Variants in NALF1 observed in about 807,000 individuals in gnomAD.
The protein encoded by NALF1 is family with sequence similarity 155 member A.
NALF1 carries 3 observed loss-of-function variants against 48.4 expected under a neutral mutation model. The observed-to-expected ratio is 0.06, with a 90% CI of 0.03 to 0.16. The LOEUF (loss-of-function observed/expected upper bound fraction) is 0.16, where lower values mean the gene tolerates loss of function less well. NALF1 is among the 10% of genes least tolerant of loss of function. The probability of loss-of-function intolerance (pLI) is 1.00; values close to 1 mark genes in which losing one functional copy is unlikely to be tolerated. For synonymous variants in NALF1, 262 were observed against 245.7 expected (o/e 1.07, Z -0.62); for missense variants, 526 against 571.5 (o/e 0.92, Z 0.81).
intron 1 of NALF1, among the ~76,000 whole-genome samples, chr13:107,517,042 G>A (rs1876076419): frequency 6.6e-6 from 1 of 151,928 alleles, no homozygotes; most frequent in African/African-American, 2.4e-5. Flanking sequence ...CTAGGAAGAT[G>A]GTCCTTACTA....
At chr13:107,645,455 A>G (rs1042466001) in intron 1 of NALF1, among the ~76,000 whole-genome samples, 1 of 152,044 alleles carries the variant, frequency 6.6e-6, no homozygotes. Flanking sequence ...GTTACTATTT[A>G]TATGTTTTAC....
intron 1 of NALF1, among the ~76,000 whole-genome samples, chr13:107,414,385 T>A (rs1884048112): frequency 6.6e-6 from 1 of 151,470 alleles, no homozygotes; most frequent in Admixed American, 6.6e-5. Flanking sequence ...CAAATGTATA[T>A]CTAGGTATTT....
chr13:107,796,425 T>A (rs1878426536), intron 1 of NALF1, among the ~76,000 whole-genome samples: 1 of 152,266 alleles, frequency 6.6e-6, no homozygotes, highest in Admixed American at 6.5e-5. Context: ...CATTATTTTC[T>A]GAGCATTTTT....
At chr13:107,325,197 A>G (rs565167695) in intron 1 of NALF1, among the ~76,000 whole-genome samples, 3 of 152,334 alleles carry the variant, frequency 2.0e-5, no homozygotes, top group Non-Finnish European at 2.9e-5. Context: ...TGTGCATATT[A>G]TAAGACAAAA....
intron 1 of NALF1, among the ~76,000 whole-genome samples, chr13:107,261,421 CT>C (rs1418230075): frequency 6.6e-6 from 1 of 152,194 alleles, no homozygotes; most frequent in Non-Finnish European, 1.5e-5. Context: ...TTCTCCTCCC[CT>C]ATCCCATCAG....
intron 1 of NALF1, among the ~76,000 whole-genome samples, chr13:107,648,870 G>A (rs567799047): frequency 1.3e-5 from 2 of 152,136 alleles, no homozygotes; most frequent in South Asian, 2.1e-4. Flanking sequence ...CCAATCTTAG[G>A]CATACTAATA....
At chr13:107,616,585 T>G (rs1335420141) in intron 1 of NALF1, among the ~76,000 whole-genome samples, 1 of 152,210 alleles carries the variant, frequency 6.6e-6, no homozygotes, top group African/African-American at 2.4e-5. Context: ...GCTACAAGAT[T>G]GAATTCAGAT....
chr13:107,613,897 G>T (rs1049203077), intron 1 of NALF1, among the ~76,000 whole-genome samples: 1 of 152,148 alleles, frequency 6.6e-6, no homozygotes, highest in Non-Finnish European at 1.5e-5. Flanking sequence ...CAGGTGCTAC[G>T]TTCATTCCTT....
chr13:107,306,537 C>T (rs940121352), intron 1 of NALF1, among the ~76,000 whole-genome samples: 12 of 152,006 alleles, frequency 7.9e-5, no homozygotes, highest in African/African-American at 2.4e-4. Flanking sequence ...GAAGTGGCTC[C>T]GATCATGTTC....
chr13:107,448,612 T>G lies in NALF1; in HGVS notation c.916-237857A>C, dbSNP rs562882618. On this transcript the variant is annotated intron_variant, in intron 1 of 2. Coordinates refer to ENST00000375915, the MANE Select transcript of NALF1 (RefSeq NM_001080396.3). ...TACTGGCATTTTCGTCATGTATTTT[T>G]ATGCATTACTGATCATTCACTCAAG... Among the ~76,000 whole-genome samples the G allele has an allele frequency of 2.0e-4, 31 of 152,338 alleles. No homozygotes were observed. In the East Asian group the frequency reaches 5.6e-3, roughly 27 times the overall value.
At position 107,866,417 on chromosome 13, in the gene NALF1, G is replaced by A. The variant is rs1384691383; in HGVS notation, c.180C>T (p.Ala60=). 1 of 1,613,938 alleles carries A rather than the reference G, an allele frequency of 6.2e-7. No individual in the cohort carries two copies. The highest frequency in any genetic ancestry group is 1.1e-5 in the South Asian group (1 of 91,084). Residue 60 remains alanine (A), a synonymous_variant, in exon 1 of 3, where the codon GCC becomes GCT. Coordinates refer to ENST00000375915, the MANE Select transcript of NALF1 (RefSeq NM_001080396.3). The surrounding 1 kb of genome is among the most constrained non-coding windows in gnomAD (Gnocchi z 4.4). ...CCCGGGCCCGGGTCAGCTTGGCCTC[G>A]GCGCAGAACCACAAGTGATCAGAGA... ...VLLSDHLWFC[A]EAKLTRARDK...
chr13:107,676,628 A>T (rs909142312), intron 1 of NALF1, among the ~76,000 whole-genome samples: 4 of 151,992 alleles, frequency 2.6e-5, no homozygotes, highest in South Asian at 2.1e-4. Context: ...TAATTAAATT[A>T]AATTGTGTGT....
At chr13:107,461,392 T>C (rs1884916582) in intron 1 of NALF1, among the ~76,000 whole-genome samples, 1 of 152,196 alleles carries the variant, frequency 6.6e-6, no homozygotes, top group South Asian at 2.1e-4. Flanking sequence ...TCTAATGTCA[T>C]TTATGAACTA....
At position 107,477,767 on chromosome 13, in the gene NALF1, A is replaced by T. The variant is rs531163353; in HGVS notation, c.916-267012T>A. Among the ~76,000 whole-genome samples the T allele has an allele frequency of 3.8e-3, 580 of 151,614 alleles. 5 individuals carry two copies. The highest frequency in any genetic ancestry group is 0.013 in the African/African-American group (558 of 41,352). On this transcript the variant is annotated intron_variant, in intron 1 of 2. Transcript: ENST00000375915. Reference sequence around the variant, plus strand: ...GGAGGCTTTAGAAAACCTGTAACTAATTTTTTTTCCTGCCGCTTAAAGGTG... The same window carrying T: ...GGAGGCTTTAGAAAACCTGTAACTATTTTTTTTTCCTGCCGCTTAAAGGTG...
At chr13:107,471,401 G>C (rs1359821707) in intron 1 of NALF1, among the ~76,000 whole-genome samples, 1 of 152,160 alleles carries the variant, frequency 6.6e-6, no homozygotes, top group African/African-American at 2.4e-5. Context: ...GGGAGGGATG[G>C]GGTTTGCAGT....
intron 1 of NALF1, among the ~76,000 whole-genome samples, chr13:107,393,397 T>C (rs758195007): frequency 6.6e-6 from 1 of 152,132 alleles, no homozygotes; most frequent in African/African-American, 2.4e-5. Flanking sequence ...CCAGATTCTA[T>C]ACAATGTTTT....
At chr13:107,567,767 C>G (rs1877857911) in intron 1 of NALF1, among the ~76,000 whole-genome samples, 2 of 152,110 alleles carry the variant, frequency 1.3e-5, no homozygotes, top group Non-Finnish European at 2.9e-5. Context: ...AAAATTACCC[C>G]TTTATAGCCA....
intron 1 of NALF1, among the ~76,000 whole-genome samples, chr13:107,452,876 T>C (rs68087943): frequency 0.22 from 32,888 of 152,138 alleles, 4,050 homozygotes; most frequent in East Asian, 0.33. Context: ...ATGAGAGACA[T>C]TGGCCAAAAC....
rs566246973 is a variant in NALF1 at position 107,311,824 on chromosome 13, C to T, written c.916-101069G>A. Among the ~76,000 whole-genome samples, 44 of 152,266 alleles carry T rather than the reference C, an allele frequency of 2.9e-4. No individual in the cohort carries two copies. In the East Asian group the frequency reaches 8.1e-3, roughly 28 times the overall value. On this transcript the variant is annotated intron_variant, in intron 1 of 2. Coordinates refer to ENST00000375915, the MANE Select transcript of NALF1 (RefSeq NM_001080396.3). ...CAGCTAAAAGACACTTGAAAAAATG[C>T]TCATCATCACTGGCCATCAGAGAAA...
Sources: gnomAD v4.1 joint callset for allele counts (sites outside exome capture counted in the v4.1 genomes callset) on GRCh38, gnomAD v4.1.1 for gene constraint, Gnocchi (gnomAD v3.1) non-coding constraint, MANE v1.5 for transcripts, NCBI Gene and HGNC (gene_info 2026-07-23, HGNC 2026-07-21) for gene names.